Variants in SERINC2 observed in about 807,000 individuals in gnomAD.
The protein encoded by SERINC2 is serine incorporator 2.
In SERINC2, 56 loss-of-function variants were observed where a neutral mutation model predicts 54.2. That is an observed-to-expected ratio of 1.03 (90% confidence interval 0.83 to 1.29). The LOEUF (loss-of-function observed/expected upper bound fraction) is 1.29. Among genes scored for constraint, SERINC2 ranks in the 50% most tolerant of loss-of-function variants. The pLI, the probability that SERINC2 is intolerant of heterozygous loss-of-function variation, is 0.00. For synonymous variants in SERINC2, 272 were observed against 253.1 expected (o/e 1.07, Z -0.71); for missense variants, 614 against 607.4 (o/e 1.01, Z -0.12).
At chr1:31,432,611 AG>A (rs1641340726) in intron 8 of SERINC2, among the ~76,000 whole-genome samples, 2 of 152,180 alleles carry the variant, frequency 1.3e-5, no homozygotes, top group South Asian at 4.1e-4. Flanking sequence ...GAAATGGCAA[AG>A]GAACAATCCT....
chr1:31,426,855 C>T (rs1553133759), intron 6 of SERINC2, 32 bp downstream of exon 6: 4 of 1,602,148 alleles, frequency 2.5e-6, no homozygotes, highest in Non-Finnish European at 8.5e-7. Context: ...TGGCCTGAAG[C>T]CCGGCCCCTT....
At chr1:31,422,480 A>G (rs1394389795) in intron 1 of SERINC2, among the ~76,000 whole-genome samples, 1 of 152,122 alleles carries the variant, frequency 6.6e-6, no homozygotes, top group East Asian at 1.9e-4. Context: ...TCAGCTTAAA[A>G]GTCACTTCTT....
chr1:31,432,488 A>G (rs1246192218), intron 8 of SERINC2, among the ~76,000 whole-genome samples: 1 of 152,106 alleles, frequency 6.6e-6, no homozygotes, highest in Non-Finnish European at 1.5e-5. Context: ...GACACTAATA[A>G]AATGGAAACT....
chr1:31,426,733 C>T lies in SERINC2; in HGVS notation c.690C>T (p.Pro230=). The T allele has an allele frequency of 6.2e-7, 1 of 1,614,150 alleles. No homozygotes were observed. The highest frequency in any genetic ancestry group is 8.5e-7 in the Non-Finnish European group (1 of 1,180,014). The change falls in exon 6 of 10, where the codon CCC becomes CCT. Residue 230 remains proline, a synonymous_variant. Transcript: ENST00000373709. ...TGATGTTCATGTACTACACTGAGCC[C>T]AGCGGCTGCCACGAGGGCAAGGTCT... The part of the protein sequence containing the change: ...VALMFMYYTE[P]SGCHEGKVFI...
Position 31,424,738 on chromosome 1 carries a change from T to A in SERINC2, c.257T>A (p.Ile86Asn). ...AGIPTVLQGHIDCGSLLGYRA... is the reference protein window; with the variant it reads ...AGIPTVLQGHNDCGSLLGYRA... ...ATCCCCACCGTCCTGCAGGGCCACA[T>A]CGACTGTGGCTCCCTGCTTGGCTAC... Residue 86 changes from isoleucine (I) to asparagine (N), a missense_variant, in exon 3 of 10, where the codon ATC (isoleucine) becomes AAC (asparagine). Transcript: ENST00000373709. 6.2e-7 allele frequency: 1 copy of A among 1,610,552 alleles called. No homozygotes were observed. Among genetic ancestry groups the A allele is most frequent in the Non-Finnish European group, 8.5e-7 (1 of 1,178,688 alleles).
At chr1:31,433,213 G>T (rs782554520) in intron 9 of SERINC2, 28 bp downstream of exon 9, 17 of 1,589,958 alleles carry the variant, frequency 1.1e-5, no homozygotes, top group Non-Finnish European at 1.5e-5. Flanking sequence ...CATGGACAGA[G>T]CCCGGAGGTG....
intron 1 of SERINC2, among the ~76,000 whole-genome samples, chr1:31,422,201 A>G (rs984776940): frequency 2.0e-5 from 3 of 148,706 alleles, no homozygotes; most frequent in African/African-American, 7.4e-5. Context: ...CAGGAGGCTG[A>G]GGTGGGAGGA....
intron 5 of SERINC2, among the ~76,000 whole-genome samples, 199 bp from the exon 6 acceptor site, chr1:31,426,455 T>C (rs1442783146): frequency 6.6e-6 from 1 of 152,128 alleles, no homozygotes; most frequent in African/African-American, 2.4e-5. Context: ...TATTACAAGG[T>C]AGCAAGTGAA....
At chr1:31,431,872 G>A (rs570625164) in intron 8 of SERINC2, among the ~76,000 whole-genome samples, 31 of 147,120 alleles carry the variant, frequency 2.1e-4, no homozygotes, top group African/African-American at 3.8e-4. Context: ...GGTGGATAGG[G>A]TGGACAGGGT....
intron 8 of SERINC2, among the ~76,000 whole-genome samples, chr1:31,431,678 A>G (rs1641206158): frequency 6.6e-6 from 1 of 152,230 alleles, no homozygotes; most frequent in Admixed American, 6.5e-5. Context: ...AAAGAAGCAT[A>G]TGCAACCCAT....
upstream of SERINC2, among the ~76,000 whole-genome samples, chr1:31,410,903 G>A (rs184625044): frequency 6.6e-5 from 10 of 152,298 alleles, no homozygotes; most frequent in East Asian, 1.3e-3. Context: ...CCTGGGACGG[G>A]AGCATGTGAG....
Position 31,413,746 on chromosome 1 carries a change from C to T in SERINC2, c.39+442C>T. The stretch of plus-strand genomic sequence containing the variant: ...GGCCCCGTCCCTCCTGGCGAGTGCC[C>T]TGCCCTACCCCTCTGGCCGCCTGCC... On this transcript the variant is annotated intron_variant, in intron 1 of 9. Transcript: ENST00000373709. This position sits in a 1 kb window ranked among gnomAD's most constrained non-coding sequence, Gnocchi z 5.0. The T allele has an allele frequency of 2.2e-6, 3 of 1,359,718 alleles. No homozygotes were observed. Among genetic ancestry groups the T allele is most frequent in the Non-Finnish European group, 2.8e-6 (3 of 1,062,752 alleles). 84.2% of individuals were successfully genotyped at this position (1,359,718 alleles called of 1,614,324 possible).
At chr1:31,432,098 TGGA>T (rs1557501218) in intron 8 of SERINC2, among the ~76,000 whole-genome samples, 8 of 128,358 alleles carry the variant, frequency 6.2e-5, no homozygotes, top group Admixed American at 1.5e-4. Flanking sequence ...GTGGACAGGG[TGGA>T]CAGGGTGGAT....
upstream of SERINC2, chr1:31,413,210 C>G: frequency 1.8e-6 from 2 of 1,082,804 alleles, no homozygotes; most frequent in Middle Eastern, 4.1e-4. This position sits in a 1 kb window ranked among gnomAD's most constrained non-coding sequence, Gnocchi z 5.0. Flanking sequence ...GCACCCGGAT[C>G]CCGAGGTCCG....
chr1:31,410,365 A>T (rs1450112232), upstream of SERINC2: 1 of 1,548,906 alleles, frequency 6.5e-7, no homozygotes, highest in East Asian at 2.4e-5. Context: ...GGGGTAAAAA[A>T]ACTTATCTTT....
At position 31,434,382 on chromosome 1, in the gene SERINC2, C is replaced by T; in HGVS notation, c.*183C>T. On this transcript the variant is annotated 3_prime_UTR_variant, in exon 10 of 10. Coordinates refer to ENST00000373709, the MANE Select transcript of SERINC2 (RefSeq NM_178865.5). ...AGTGCCTTCAGGGTCCGAGGAGCAT[C>T]AGGCTCCTGCAGAGCCCCATCCCCC... 1 of 610,158 alleles carries T rather than the reference C, an allele frequency of 1.6e-6. No individual in the cohort carries two copies. Among genetic ancestry groups the T allele is most frequent in the South Asian group, 2.0e-5 (1 of 49,848 alleles). 37.8% of individuals were successfully genotyped at this position (610,158 alleles called of 1,614,324 possible). A position where few individuals can be genotyped will look rare whatever the true frequency, so the allele number is the denominator to read the frequency against.
chr1:31,429,524 C>T lies in SERINC2; in HGVS notation c.999C>T (p.Cys333=). 2 of 1,611,024 alleles carry T rather than the reference C, an allele frequency of 1.2e-6. No individual in the cohort carries two copies. The highest frequency in any genetic ancestry group is 8.5e-7 in the Non-Finnish European group (1 of 1,178,288). Residue 333 remains cysteine (C), a synonymous_variant, in exon 8 of 10, where the codon TGC becomes TGT. Transcript: ENST00000373709. Reference sequence around the variant, plus strand: ...TGGGCCTCATCATCTTCCTCCTGTGCACCCTCTTCATCAGGTATGGCCAGG... The same window carrying T: ...TGGGCCTCATCATCTTCCTCCTGTGTACCCTCTTCATCAGGTATGGCCAGG... The part of the protein sequence containing the change: ...SIVGLIIFLL[C]TLFISLRSSD...
At chr1:31,431,362 A>G (rs1169666446) in intron 8 of SERINC2, among the ~76,000 whole-genome samples, 1 of 151,690 alleles carries the variant, frequency 6.6e-6, no homozygotes, top group Admixed American at 6.6e-5. Flanking sequence ...TCCTGGCCCA[A>G]GCAATCCTCC....
At chr1:31,424,377 G>T (rs1553133195) in intron 2 of SERINC2, among the ~76,000 whole-genome samples, 1 of 152,178 alleles carries the variant, frequency 6.6e-6, no homozygotes, top group African/African-American at 2.4e-5. Flanking sequence ...GTAGGTGGTG[G>T]GTGGAGAACA....
Sources: gnomAD v4.1 joint callset for allele counts (sites outside exome capture counted in the v4.1 genomes callset) on GRCh38, gnomAD v4.1.1 for gene constraint, Gnocchi (gnomAD v3.1) non-coding constraint, MANE v1.5 for transcripts, NCBI Gene and HGNC (gene_info 2026-07-23, HGNC 2026-07-21) for gene names.